PVT1: variants seen among roughly 807,000 people sequenced by gnomAD.
PVT1 encodes CXCR4/PVT1 fusion.
intron 2 of PVT1, among the ~76,000 whole-genome samples, chr8:127,797,114 G>A (rs911997705): frequency 6.6e-6 from 1 of 152,020 alleles, no homozygotes; most frequent in East Asian, 1.9e-4. Context: ...CCAGCCTCAG[G>A]TGATCCGCCC....
intron 3 of PVT1, among the ~76,000 whole-genome samples, chr8:127,899,301 G>A (rs1815729426): frequency 6.6e-6 from 1 of 152,226 alleles, no homozygotes; most frequent in East Asian, 1.9e-4. Flanking sequence ...TTGTGAAAGT[G>A]AGATGATCTG....
rs779423968 is a variant in PVT1 at position 128,082,587 on chromosome 8, ACT to A, written n.1114+12229_1114+12230del. On this transcript the variant is annotated intron_variant and non_coding_transcript_variant, in intron 5 of 10. Coordinates refer to ENST00000651587, the Ensembl canonical transcript of PVT1. ...AGGCACCAAGTCTCAGGGAAGTCAG[ACT>A]CTTATCCCAACCTGGTGACTGGTTT... 6.2e-4 allele frequency among the ~76,000 whole-genome samples: 94 copies of A among 152,138 alleles called. 1 individual carries two copies. The highest frequency in any genetic ancestry group is 1.0e-3 in the South Asian group (5 of 4,822).
rs531177390 is a variant in PVT1, at chr8:127,799,549, A to G, written n.372+3478A>G. On this transcript the variant is annotated intron_variant and non_coding_transcript_variant, in intron 2 of 10. Transcript: ENST00000651587. ...GCTTGCCTGTAGGGAAAGTATGCTGATGAAAAAGAAGGAAAACAGACAGTA... is the reference window on the plus strand; with the variant it reads ...GCTTGCCTGTAGGGAAAGTATGCTGGTGAAAAAGAAGGAAAACAGACAGTA... Among the ~76,000 whole-genome samples, 219 of 152,334 alleles carry G rather than the reference A, an allele frequency of 1.4e-3. 1 individual carries two copies. Among genetic ancestry groups the G allele is most frequent in the African/African-American group, 5.1e-3 (211 of 41,576 alleles).
chr8:128,019,709 T>C (rs533173045), intron 4 of PVT1, among the ~76,000 whole-genome samples: 1 of 152,310 alleles, frequency 6.6e-6, no homozygotes, highest in East Asian at 1.9e-4. Flanking sequence ...TCACTTAGCT[T>C]CTCTCACTTG....
chr8:128,033,625 A>G (rs1014341199), intron 4 of PVT1, among the ~76,000 whole-genome samples: 1 of 152,188 alleles, frequency 6.6e-6, no homozygotes, highest in Non-Finnish European at 1.5e-5. Flanking sequence ...GAGGCCTTTG[A>G]GCCATAAATT....
chr8:127,994,231 G>A (rs1373006466), intron 4 of PVT1, among the ~76,000 whole-genome samples: 1 of 152,162 alleles, frequency 6.6e-6, no homozygotes, highest in African/African-American at 2.4e-5. Context: ...TCTCTCTACA[G>A]TGCCTCTTGT....
At chr8:127,872,970 T>C (rs936854000) in intron 2 of PVT1, among the ~76,000 whole-genome samples, 2 of 152,222 alleles carry the variant, frequency 1.3e-5, no homozygotes, top group Admixed American at 1.3e-4. Context: ...TCCTGATCTG[T>C]TGCTGACTGT....
rs71300279 is a variant in PVT1 at position 127,921,854 on chromosome 8, G to GTTTTTT, written n.782+30875_782+30880dup. ...AAAAAAATTATAATTTTTGGTTCAT[G>GTTTTTT]TTTTTTTTTTTTTTTTTTTTTTTTG... On this transcript the variant is annotated intron_variant and non_coding_transcript_variant, in intron 3 of 10. Transcript: ENST00000651587. 7.6e-3 allele frequency among the ~76,000 whole-genome samples: 544 copies of GTTTTTT among 71,916 alleles called. 34 individuals carry two copies. Among genetic ancestry groups the GTTTTTT allele is most frequent in the Middle Eastern group, 0.024 (1 of 42 alleles). The allele number at this position is 71,916 out of a possible 152,430, so 47.2% of individuals were successfully genotyped here.
intron 3 of PVT1, among the ~76,000 whole-genome samples, chr8:127,967,080 C>T (rs1037345728): frequency 4.6e-5 from 7 of 152,176 alleles, no homozygotes; most frequent in Non-Finnish European, 7.3e-5. Context: ...CACCTGACAA[C>T]GCCTTGGGTA....
At chr8:128,024,919 C>A (rs1328168894) in intron 4 of PVT1, among the ~76,000 whole-genome samples, 1 of 152,246 alleles carries the variant, frequency 6.6e-6, no homozygotes, top group African/African-American at 2.4e-5. Flanking sequence ...CCAGGCTGAT[C>A]TTAAACTCCT....
chr8:128,014,404 C>T lies in PVT1; in HGVS notation n.912+25113C>T, dbSNP rs145614862. 5.7e-3 allele frequency among the ~76,000 whole-genome samples: 874 copies of T among 152,304 alleles called. 5 individuals carry two copies. Among genetic ancestry groups the T allele is most frequent in the Admixed American group, 0.011 (168 of 15,300 alleles). On this transcript the variant is annotated intron_variant and non_coding_transcript_variant, in intron 4 of 10. Transcript: ENST00000651587. ...CTTGAGAAGGTCATTCATTATTTTG[C>T]GATATCTTCAGACTCTCATCATTGC...
At chr8:127,863,090 AT>A (rs1344641802) in intron 2 of PVT1, among the ~76,000 whole-genome samples, 1 of 124,912 alleles carries the variant, frequency 8.0e-6, no homozygotes, top group Non-Finnish European at 1.6e-5. Context: ...TTATTTATTT[AT>A]TTATTTATTT....
intron 3 of PVT1, among the ~76,000 whole-genome samples, chr8:127,976,157 C>G (rs1010668157): frequency 6.6e-6 from 1 of 152,224 alleles, no homozygotes; most frequent in Non-Finnish European, 1.5e-5. Flanking sequence ...AGAATTTCAA[C>G]TTGCAGTTGC....
At chr8:127,992,096 A>C (rs117072608) in intron 4 of PVT1, among the ~76,000 whole-genome samples, 2,888 of 152,158 alleles carry the variant, frequency 0.019, 42 homozygotes, top group South Asian at 0.035. Context: ...AAAAGGAAAA[A>C]AATTTCTTGC....
At chr8:127,810,372 C>A (rs1475994385) in intron 2 of PVT1, among the ~76,000 whole-genome samples, 4 of 152,238 alleles carry the variant, frequency 2.6e-5, no homozygotes, top group Admixed American at 2.6e-4. Flanking sequence ...AAACTAGATC[C>A]TGAAAGGCAA....
At chr8:127,992,247 A>G (rs1250892157) in intron 4 of PVT1, among the ~76,000 whole-genome samples, 1 of 152,150 alleles carries the variant, frequency 6.6e-6, no homozygotes, top group Non-Finnish European at 1.5e-5. Context: ...TTAGCCAGGC[A>G]TGGTGGCACA....
At chr8:127,979,381 C>T (rs1479025769) in intron 3 of PVT1, among the ~76,000 whole-genome samples, 4 of 152,220 alleles carry the variant, frequency 2.6e-5, no homozygotes, top group African/African-American at 9.6e-5. Context: ...AAGTAGCTCC[C>T]ATTTGCTATG....
chr8:127,928,170 A>G (rs946075266), intron 3 of PVT1, among the ~76,000 whole-genome samples: 1 of 152,210 alleles, frequency 6.6e-6, no homozygotes, highest in Non-Finnish European at 1.5e-5. Flanking sequence ...CCGGCCGTCA[A>G]TATCTTCCAT....
intron 4 of PVT1, among the ~76,000 whole-genome samples, chr8:128,012,472 G>T (rs1238946880): frequency 6.6e-6 from 1 of 152,202 alleles, no homozygotes; most frequent in East Asian, 1.9e-4. Context: ...GGCTTCAAGA[G>T]TTGAGTGAGT....
Sources: gnomAD v4.1 joint callset for allele counts (sites outside exome capture counted in the v4.1 genomes callset) on GRCh38, gnomAD v4.1.1 for gene constraint, MANE v1.5 for transcripts, NCBI Gene and HGNC (gene_info 2026-07-23, HGNC 2026-07-21) for gene names.